The following IQGAP2 variants were observed in gnomAD, a reference collection of about 807,000 sequenced individuals.
The protein encoded by IQGAP2 is ras GTPase-activating-like protein IQGAP2.
IQGAP2 carries 173 observed loss-of-function variants against 201.3 expected under a neutral mutation model. The ratio of observed to expected loss-of-function variants is 0.86; its 90% CI spans 0.76 to 0.98. The LOEUF is 0.98. Among genes scored for constraint, IQGAP2 ranks in the 50% least tolerant of loss-of-function variants. IQGAP2 has a pLI of 0.00. For synonymous variants in IQGAP2, 675 were observed against 673.9 expected (o/e 1.00, Z -0.03); for missense variants, 1,687 against 1,864.8 (o/e 0.90, Z 1.76).
intron 9 of IQGAP2, among the ~76,000 whole-genome samples, chr5:76,593,897 C>G (rs757173306): frequency 2.6e-5 from 4 of 152,206 alleles, no homozygotes; most frequent in African/African-American, 7.2e-5. Flanking sequence ...ACTAAGAAGT[C>G]TGCTCCTAAA....
Position 76,683,787 on chromosome 5 carries a change from G to T in IQGAP2, c.3775G>T (p.Val1259Phe). 1.2e-6 allele frequency: 2 copies of T among 1,611,356 alleles called. No homozygotes were observed. Among genetic ancestry groups the T allele is most frequent in the South Asian group, 2.2e-5 (2 of 90,380 alleles). Residue 1259 changes from valine (V) to phenylalanine (F), a missense_variant, in exon 30 of 36, where the codon GTT becomes TTT. Transcript: ENST00000274364. ...TTTTTTCCCTACAGGGGAAGGAGCA[G>T]TTGACCCCAATGACCCTAACAAGGC... is the stretch of plus-strand genomic sequence containing the variant. ...TVESFLGEGA[V>F]DPNDPNKANT...
chr5:76,523,085 T>C (rs1458884766), intron 2 of IQGAP2, among the ~76,000 whole-genome samples: 4 of 143,792 alleles, frequency 2.8e-5, no homozygotes, highest in African/African-American at 1.0e-4. Context: ...CCTTTTTTTT[T>C]TTTTTTTTTT....
chr5:76,471,723 A>G (rs1320420206), intron 2 of IQGAP2, among the ~76,000 whole-genome samples: 1 of 152,008 alleles, frequency 6.6e-6, no homozygotes, highest in Non-Finnish European at 1.5e-5. Flanking sequence ...AAAAAAAGAG[A>G]ATCTTCTGAC....
At chr5:76,596,757 A>T (rs1045209551) in intron 9 of IQGAP2, among the ~76,000 whole-genome samples, 2 of 152,150 alleles carry the variant, frequency 1.3e-5, no homozygotes, top group African/African-American at 4.8e-5. Flanking sequence ...TCCAGGGGGA[A>T]ATCCGCCCCC....
intron 13 of IQGAP2, chr5:76,618,589 A>G (rs1749261747): frequency 6.2e-7 from 1 of 1,614,094 alleles, no homozygotes; most frequent in South Asian, 1.1e-5. Context: ...GCTCCACGAA[A>G]GGTCTTAATG....
intron 2 of IQGAP2, among the ~76,000 whole-genome samples, chr5:76,518,202 T>C (rs529607025): frequency 6.6e-6 from 1 of 152,268 alleles, no homozygotes; most frequent in African/African-American, 2.4e-5. Context: ...CCTTAGGTGA[T>C]CTGCTCACCT....
intron 29 of IQGAP2, 103 bp downstream of exon 29, chr5:76,683,320 G>T: frequency 1.5e-6 from 1 of 651,970 alleles, no homozygotes; most frequent in Non-Finnish European, 2.6e-6. Context: ...CAATTATTTT[G>T]GAATTTAATG....
At chr5:76,701,037 G>C in intron 33 of IQGAP2, 39 bp from the exon 34 acceptor site, 1 of 1,609,078 alleles carries the variant, frequency 6.2e-7, no homozygotes. Flanking sequence ...CTCTGCATTT[G>C]CCATCATAAC....
At chr5:76,478,129 G>C (rs1283433766) in intron 2 of IQGAP2, among the ~76,000 whole-genome samples, 1 of 152,176 alleles carries the variant, frequency 6.6e-6, no homozygotes, top group Non-Finnish European at 1.5e-5. Flanking sequence ...CAATGGTGTG[G>C]TGGCTCACGC....
chr5:76,650,236 C>A (rs932443003), intron 17 of IQGAP2, among the ~76,000 whole-genome samples: 2 of 152,176 alleles, frequency 1.3e-5, no homozygotes, highest in Non-Finnish European at 2.9e-5. Context: ...CAGTTCACAT[C>A]TTTATATAAG....
Position 76,566,669 on chromosome 5 carries a change from G to A in IQGAP2, c.304-3911G>A, listed in dbSNP as rs191278596. On this transcript the variant is annotated intron_variant, in intron 3 of 35. Transcript: ENST00000274364. ...ACAAACCAGAAGGAGGATAAGAGGG[G>A]AGACAGAGTCCAGTGAGGGGATAAC... 9.2e-5 allele frequency among the ~76,000 whole-genome samples: 14 copies of A among 152,212 alleles called. 1 individual carries two copies. The highest frequency in any genetic ancestry group is 6.5e-4 in the Admixed American group (10 of 15,280).
intron 17 of IQGAP2, among the ~76,000 whole-genome samples, chr5:76,644,873 T>C (rs1479887136): frequency 1.3e-5 from 2 of 152,210 alleles, no homozygotes; most frequent in Non-Finnish European, 2.9e-5. Flanking sequence ...TATTATGCTT[T>C]AAGTTCGGGA....
At chr5:76,518,480 A>G (rs1273550418) in intron 2 of IQGAP2, among the ~76,000 whole-genome samples, 1 of 152,160 alleles carries the variant, frequency 6.6e-6, no homozygotes, top group Non-Finnish European at 1.5e-5. Flanking sequence ...CCCATGATTC[A>G]ATTACCTCCA....
At chr5:76,536,745 A>T (rs368626505) in intron 2 of IQGAP2, among the ~76,000 whole-genome samples, 2 of 150,518 alleles carry the variant, frequency 1.3e-5, no homozygotes, top group African/African-American at 4.9e-5. Context: ...GGGCAACAAG[A>T]GTGAAACTCC....
intron 2 of IQGAP2, among the ~76,000 whole-genome samples, chr5:76,500,246 A>G (rs1417801387): frequency 6.6e-6 from 1 of 152,256 alleles, no homozygotes; most frequent in Non-Finnish European, 1.5e-5. Flanking sequence ...CCAAGTAATT[A>G]AAAATGAATG....
intron 1 of IQGAP2, among the ~76,000 whole-genome samples, chr5:76,451,699 T>C (rs997033952): frequency 3.3e-5 from 5 of 152,242 alleles, no homozygotes; most frequent in Non-Finnish European, 5.9e-5. Context: ...TATTAATGCT[T>C]ATTCCTCATT....
At chr5:76,623,988 C>G (rs904977047) in intron 13 of IQGAP2, among the ~76,000 whole-genome samples, 5 of 130,520 alleles carry the variant, frequency 3.8e-5, no homozygotes, top group Non-Finnish European at 6.2e-5. Flanking sequence ...ATTCAATAAC[C>G]CTTAGGGTCA....
rs112325973 is a variant in IQGAP2, at chr5:76,674,738, C to T, written c.3527+29C>T. 143 of 1,487,330 alleles carry T rather than the reference C, an allele frequency of 9.6e-5. 3 individuals are homozygous for T. The highest frequency in any genetic ancestry group is 5.1e-4 in the African/African-American group (37 of 72,298). 92.1% of individuals were successfully genotyped at this position (1,487,330 alleles called of 1,614,324 possible). A position where few individuals can be genotyped will look rare whatever the true frequency, so the allele number is the denominator to read the frequency against. ...AGAGGGGCCCTTAGTTTTGGAGAAA[C>T]GTGCAAGAATGGTAGGCAAGAATAA... On this transcript the variant is annotated intron_variant, in intron 27 of 35. Coordinates refer to ENST00000274364, the MANE Select transcript of IQGAP2 (RefSeq NM_006633.5).
At chr5:76,514,002 A>G (rs1487087664) in intron 2 of IQGAP2, among the ~76,000 whole-genome samples, 1 of 114,556 alleles carries the variant, frequency 8.7e-6, no homozygotes, top group South Asian at 2.7e-4. Context: ...TCAAAAGTCT[A>G]TTTGTTGCCT....
Sources: gnomAD v4.1 joint callset for allele counts (sites outside exome capture counted in the v4.1 genomes callset) on GRCh38, gnomAD v4.1.1 for gene constraint, MANE v1.5 for transcripts, NCBI Gene and HGNC (gene_info 2026-07-23, HGNC 2026-07-21) for gene names.